EYS: variants seen among roughly 807,000 people sequenced by gnomAD.
EYS encodes the protein protein eyes shut homolog.
In EYS, 250 loss-of-function variants were observed where a neutral mutation model predicts 282.1. The ratio of observed to expected loss-of-function variants is 0.89; its 90% CI spans 0.80 to 0.98. The LOEUF is 0.98. Ranked by LOEUF, EYS falls within the 50% of genes least tolerant of loss-of-function variation. The probability of loss-of-function intolerance (pLI) is 0.00; values close to 1 mark genes in which losing one functional copy is unlikely to be tolerated. For synonymous variants in EYS, 1,355 were observed against 1,282.9 expected (o/e 1.06, Z -1.20); for missense variants, 4,016 against 3,709.0 (o/e 1.08, Z -2.15).
At chr6:64,075,652 C>T (rs138703521) in intron 32 of EYS, among the ~76,000 whole-genome samples, 22 of 151,984 alleles carry the variant, frequency 1.4e-4, no homozygotes, top group Admixed American at 1.4e-3. Flanking sequence ...ATATAACATT[C>T]GTAACACCTC....
At chr6:64,784,852 T>C (rs544837406) in intron 22 of EYS, among the ~76,000 whole-genome samples, 1 of 152,298 alleles carries the variant, frequency 6.6e-6, no homozygotes, top group East Asian at 1.9e-4. Context: ...AAAGTGTCTC[T>C]AGGTCTCCAG....
intron 5 of EYS, among the ~76,000 whole-genome samples, chr6:65,420,527 T>C (rs1032374150): frequency 2.6e-5 from 4 of 151,844 alleles, no homozygotes; most frequent in South Asian, 4.1e-4. Flanking sequence ...CCCATGAAGG[T>C]TGGAATTACT....
chr6:65,474,924 G>A (rs1765342867), intron 5 of EYS, among the ~76,000 whole-genome samples: 1 of 152,014 alleles, frequency 6.6e-6, no homozygotes, highest in Non-Finnish European at 1.5e-5. Context: ...TCCGGAGAAT[G>A]TAAAAAACAG....
intron 35 of EYS, among the ~76,000 whole-genome samples, chr6:63,867,085 C>G (rs1043743879): frequency 1.3e-5 from 2 of 152,130 alleles, no homozygotes; most frequent in African/African-American, 4.8e-5. Context: ...TGATGTCTCT[C>G]TACATCTTGT....
intron 41 of EYS, among the ~76,000 whole-genome samples, chr6:63,753,817 G>GT (rs895403828): frequency 4.6e-5 from 7 of 152,064 alleles, no homozygotes; most frequent in Non-Finnish European, 7.4e-5. Flanking sequence ...TGCTAGAAAT[G>GT]TTTTTTTCAG....
At chr6:64,381,257 T>C (rs1402920182) in intron 29 of EYS, among the ~76,000 whole-genome samples, 2 of 152,166 alleles carry the variant, frequency 1.3e-5, no homozygotes, top group Non-Finnish European at 2.9e-5. Flanking sequence ...ATACCTGCTT[T>C]GAGCCTTAAA....
intron 11 of EYS, among the ~76,000 whole-genome samples, chr6:65,312,971 T>C (rs1043015490): frequency 4.0e-5 from 6 of 151,818 alleles, no homozygotes; most frequent in Non-Finnish European, 2.9e-5. Flanking sequence ...CTGCTTGTTT[T>C]GCTTTACTCC....
rs576811258 is a variant in EYS, at chr6:63,882,014, A to C, written c.7056-17656T>G. ...GTCAGCATTTTCCTGAAACTGATTT[A>C]GCCTTTTGCATTAAAAAGAAGAGAC... On this transcript the variant is annotated intron_variant, in intron 35 of 42. Transcript: ENST00000503581. Among the ~76,000 whole-genome samples, 9 of 152,334 alleles carry C rather than the reference A, an allele frequency of 5.9e-5. No homozygotes were observed. In the South Asian group the frequency reaches 1.9e-3, roughly 32 times the overall value.
chr6:64,759,824 A>G (rs1416290693), intron 22 of EYS, among the ~76,000 whole-genome samples: 1 of 152,208 alleles, frequency 6.6e-6, no homozygotes, highest in East Asian at 1.9e-4. Context: ...TTCACTTTAT[A>G]AAATGAATAG....
intron 8 of EYS, among the ~76,000 whole-genome samples, chr6:65,365,042 A>G (rs1764863176): frequency 6.6e-6 from 1 of 151,630 alleles, no homozygotes; most frequent in South Asian, 2.1e-4. Context: ...AGATTGCTTA[A>G]AAAAGTCATC....
chr6:64,834,288 G>A (rs1252298669), intron 19 of EYS, among the ~76,000 whole-genome samples: 2 of 151,818 alleles, frequency 1.3e-5, no homozygotes, highest in Admixed American at 6.6e-5. Flanking sequence ...GGCACAATAT[G>A]TTAGCACAAC....
chr6:64,225,486 T>C (rs1453123508), intron 31 of EYS, among the ~76,000 whole-genome samples: 2 of 152,002 alleles, frequency 1.3e-5, no homozygotes, highest in African/African-American at 4.8e-5. Context: ...TAAAGGGTGG[T>C]GTAAGAGTAT....
At chr6:65,087,175 A>T (rs1774406589) in intron 12 of EYS, among the ~76,000 whole-genome samples, 3 of 151,984 alleles carry the variant, frequency 2.0e-5, no homozygotes, top group Non-Finnish European at 4.4e-5. Context: ...ATGTTTAAGG[A>T]TGGATATGTG....
chr6:64,801,485 T>G (rs139285059), intron 22 of EYS, among the ~76,000 whole-genome samples: 370 of 152,260 alleles, frequency 2.4e-3, no homozygotes, highest in African/African-American at 8.4e-3. Flanking sequence ...ATTTAACATT[T>G]TTTTTGTATC....
intron 12 of EYS, among the ~76,000 whole-genome samples, chr6:65,232,874 A>G (rs1272529080): frequency 6.6e-6 from 1 of 152,140 alleles, no homozygotes; most frequent in East Asian, 1.9e-4. Context: ...CCTATTCTAG[A>G]CTTTTCATAT....
intron 30 of EYS, among the ~76,000 whole-genome samples, chr6:64,298,444 G>A (rs564767697): frequency 6.6e-6 from 1 of 152,122 alleles, no homozygotes; most frequent in Non-Finnish European, 1.5e-5. Context: ...GCTGTTAAAG[G>A]AGTAGAGTTT....
chr6:64,562,542 A>G (rs1364757860), intron 26 of EYS, among the ~76,000 whole-genome samples: 1 of 151,878 alleles, frequency 6.6e-6, no homozygotes, highest in Non-Finnish European at 1.5e-5. Context: ...ATGATGGTTG[A>G]GTGGAATTAT....
At chr6:65,169,754 A>G (rs1037449415) in intron 12 of EYS, among the ~76,000 whole-genome samples, 6 of 151,472 alleles carry the variant, frequency 4.0e-5, no homozygotes, top group South Asian at 2.1e-4. Context: ...TTTACATTCT[A>G]TAATGATCCT....
At chr6:63,842,954 C>T (rs944183656) in intron 36 of EYS, among the ~76,000 whole-genome samples, 1 of 152,112 alleles carries the variant, frequency 6.6e-6, no homozygotes, top group African/African-American at 2.4e-5. Flanking sequence ...CTGTTCTGTT[C>T]CATTGGCCTA....
Sources: gnomAD v4.1 joint callset for allele counts (sites outside exome capture counted in the v4.1 genomes callset) on GRCh38, gnomAD v4.1.1 for gene constraint, MANE v1.5 for transcripts, NCBI Gene and HGNC (gene_info 2026-07-23, HGNC 2026-07-21) for gene names.